TENM1: variants seen among roughly 807,000 people sequenced by gnomAD.
The protein encoded by TENM1 is teneurin transmembrane protein 1.
TENM1 carries 35 observed loss-of-function variants against 174.8 expected under a neutral mutation model. The ratio of observed to expected loss-of-function variants is 0.20; its 90% CI spans 0.15 to 0.27. TENM1 has a LOEUF of 0.27. TENM1 is among the 10% of genes least tolerant of loss of function. The pLI is 1.00. For missense variants in TENM1, 1,633 were observed against 2,130.1 expected, an observed-to-expected ratio of 0.77 and a Z score of 4.59; for synonymous variants, 781 against 798.7, an observed-to-expected ratio of 0.98 and a Z score of 0.37.
intron 3 of TENM1, among the ~76,000 whole-genome samples, chrX:124,775,764 A>G (rs1478304038): frequency 2.7e-5 from 3 of 112,067 alleles, no homozygotes; most frequent in Non-Finnish European, 5.6e-5. Flanking sequence ...CTAGCTCTGA[A>G]CTGCTTGTTA....
In TENM1 at chrX:124,766,138, T is replaced by C. The variant is rs752676256; in HGVS notation, c.536-28941A>G. Among the ~76,000 whole-genome samples, 14 of 111,616 alleles carry C rather than the reference T, an allele frequency of 1.3e-4. No individual in the cohort carries two copies. In the South Asian group the frequency reaches 4.8e-3, roughly 39 times the overall value. On this transcript the variant is annotated intron_variant, in intron 3 of 31. Transcript: ENST00000422452. ...CATGGAAGGCATCATTCCCATTTTATATATCAAAAACCAGAGGAGTTAACT... is the reference window on the plus strand; with the variant it reads ...CATGGAAGGCATCATTCCCATTTTACATATCAAAAACCAGAGGAGTTAACT...
intron 18 of TENM1, among the ~76,000 whole-genome samples, chrX:124,509,092 A>AACACAC (rs1044717528): frequency 2.2e-5 from 2 of 90,349 alleles, no homozygotes; most frequent in African/African-American, 8.2e-5. Flanking sequence ...CACACACACA[A>AACACAC]ACACACACAC....
intron 3 of TENM1, among the ~76,000 whole-genome samples, chrX:124,878,148 C>T (rs1383621872): frequency 1.8e-5 from 2 of 111,360 alleles, no homozygotes; most frequent in African/African-American, 6.5e-5. Context: ...TATGTTCATG[C>T]TTCACACATT....
the TENM1 span, among the ~76,000 whole-genome samples, chrX:125,033,299 G>T: frequency 9.0e-6 from 1 of 111,227 alleles, no homozygotes; most frequent in Non-Finnish European, 1.9e-5. Flanking sequence ...GACTGTGTTG[G>T]TTATTTTCCA....
chrX:124,737,761 GC>G (rs2053708238), intron 3 of TENM1, among the ~76,000 whole-genome samples: 2 of 112,018 alleles, frequency 1.8e-5, no homozygotes. Context: ...CTCTTTGTCA[GC>G]CCCCCAACTA....
At chrX:124,494,616 C>T (rs2147971465) in intron 20 of TENM1, among the ~76,000 whole-genome samples, 1 of 109,232 alleles carries the variant, frequency 9.2e-6, no homozygotes, top group South Asian at 4.0e-4. Context: ...CACCCACTAA[C>T]TCGTCATCTA....
chrX:125,060,335 G>A, the TENM1 span, among the ~76,000 whole-genome samples: 17 of 110,730 alleles, frequency 1.5e-4, no homozygotes, highest in Middle Eastern at 4.7e-3. Context: ...TGGAAAGACT[G>A]AGGATCAAAG....
intron 5 of TENM1, among the ~76,000 whole-genome samples, chrX:124,675,832 G>A (rs1206522738): frequency 9.1e-6 from 1 of 110,264 alleles, no homozygotes; most frequent in African/African-American, 3.3e-5. Flanking sequence ...ATAGGTAAGG[G>A]TGGTCAGAGA....
chrX:124,775,014 GAACT>G (rs2054748821), intron 3 of TENM1, among the ~76,000 whole-genome samples: 1 of 110,933 alleles, frequency 9.0e-6, no homozygotes, highest in Admixed American at 9.7e-5. Context: ...TGGATGATAT[GAACT>G]AACACAGCAC....
the TENM1 span, among the ~76,000 whole-genome samples, chrX:125,005,407 TTGTGTGTGTGTGTGTG>T: frequency 2.2e-5 from 2 of 89,490 alleles, no homozygotes; most frequent in South Asian, 6.2e-4. Context: ...CCTGACTTGG[TTGTGTGTGTGTGTGTG>T]TGTGTGTGTG....
the TENM1 span, among the ~76,000 whole-genome samples, chrX:125,112,003 A>T: frequency 9.0e-6 from 1 of 111,053 alleles, no homozygotes; most frequent in African/African-American, 3.3e-5. Flanking sequence ...TTCCATAATA[A>T]TCTTTCTTTA....
At chrX:124,966,656 C>T (rs371307023), upstream of TENM1, among the ~76,000 whole-genome samples, 25 of 104,581 alleles carry the variant, frequency 2.4e-4, no homozygotes, top group East Asian at 1.2e-3. Context: ...AGCGAGACTC[C>T]GTCTCAAAAA....
intron 11 of TENM1, among the ~76,000 whole-genome samples, chrX:124,586,560 G>T (rs1284024103): frequency 1.8e-5 from 2 of 110,730 alleles, no homozygotes; most frequent in African/African-American, 6.6e-5. Flanking sequence ...AGCTATCTAT[G>T]ACAAACCCAC....
intron 3 of TENM1, among the ~76,000 whole-genome samples, chrX:124,775,561 T>C (rs946825588): frequency 8.9e-6 from 1 of 112,095 alleles, no homozygotes; most frequent in African/African-American, 3.2e-5. Context: ...TTATCTTGTC[T>C]GATAGCGAGA....
At chrX:124,935,387 T>C (rs2058229933) in intron 1 of TENM1, among the ~76,000 whole-genome samples, 1 of 111,592 alleles carries the variant, frequency 9.0e-6, no homozygotes, top group Non-Finnish European at 1.9e-5. Flanking sequence ...CCTGGCTAGA[T>C]TTTACTTTTG....
At chrX:124,511,161 T>C (rs1052442440) in intron 18 of TENM1, among the ~76,000 whole-genome samples, 1 of 112,302 alleles carries the variant, frequency 8.9e-6, no homozygotes, top group African/African-American at 3.2e-5. Context: ...CAAGCTGACA[T>C]GGTGCTCCAT....
At chrX:124,601,953 A>G in intron 11 of TENM1, among the ~76,000 whole-genome samples, 1 of 111,503 alleles carries the variant, frequency 9.0e-6, no homozygotes, top group East Asian at 2.8e-4. Flanking sequence ...TGGAAAAAGC[A>G]CTGCAACTAT....
In TENM1 at chrX:124,420,251, A is replaced by G. The variant is rs1018568847; in HGVS notation, c.4982+60T>C. The G allele has an allele frequency of 1.9e-5, 21 of 1,084,087 alleles. No individual in the cohort carries two copies. In the African/African-American group the frequency reaches 3.0e-4, roughly 15 times the overall value. 89.3% of individuals were successfully genotyped at this position (1,084,087 alleles called of 1,213,427 possible). On this transcript the variant is annotated intron_variant, in intron 25 of 31. Coordinates refer to ENST00000422452, the Ensembl canonical transcript of TENM1. ...TCAGCAATTACTAAGGCATTTTCCCAGTATAATACAATTTCAAATAAAAAC... is the reference window on the plus strand; with the variant it reads ...TCAGCAATTACTAAGGCATTTTCCCGGTATAATACAATTTCAAATAAAAAC...
the TENM1 span, among the ~76,000 whole-genome samples, chrX:125,175,904 G>C: frequency 1.4e-3 from 161 of 111,996 alleles, no homozygotes; most frequent in African/African-American, 5.1e-3. Flanking sequence ...GTTAAATGCT[G>C]TATATATTTG....
Sources: gnomAD v4.1 joint callset for allele counts (sites outside exome capture counted in the v4.1 genomes callset) on GRCh38, gnomAD v4.1.1 for gene constraint, MANE v1.5 for transcripts, NCBI Gene and HGNC (gene_info 2026-07-23, HGNC 2026-07-21) for gene names.